KIF4A: variants seen among roughly 807,000 people sequenced by gnomAD.
The protein encoded by KIF4A is kinesin family member 4A, also known as chromosome-associated kinesin KIF4A.
A neutral mutation model predicts 105.9 loss-of-function variants in KIF4A; 7 were observed. The observed-to-expected ratio is 0.07, with a 90% CI of 0.04 to 0.12. The LOEUF is 0.12. Ranked by LOEUF, KIF4A falls within the 10% of genes least tolerant of loss-of-function variation. The pLI is 1.00. For missense variants in KIF4A, 558 were observed against 929.2 expected, an observed-to-expected ratio of 0.60 and a Z score of 5.19; for synonymous variants, 281 against 331.3, an observed-to-expected ratio of 0.85 and a Z score of 1.65.
intron 28 of KIF4A, among the ~76,000 whole-genome samples, chrX:70,414,477 A>C (rs1031313749): frequency 1.3e-4 from 15 of 112,157 alleles, no homozygotes; most frequent in African/African-American, 4.9e-4. Flanking sequence ...TCCACCTCAC[A>C]GTGGCCACAC....
chrX:70,346,076 T>A (rs1338429850), intron 13 of KIF4A, among the ~76,000 whole-genome samples: 1 of 110,753 alleles, frequency 9.0e-6, no homozygotes, highest in African/African-American at 3.3e-5. Context: ...CAAGGAAAAA[T>A]TTAAGAGCTT....
At chrX:70,391,132 G>A (rs896113021) in intron 20 of KIF4A, among the ~76,000 whole-genome samples, 1 of 112,103 alleles carries the variant, frequency 8.9e-6, no homozygotes, top group Non-Finnish European at 1.9e-5. Context: ...ACCTAAGAGT[G>A]GGACTACTGG....
intron 28 of KIF4A, among the ~76,000 whole-genome samples, chrX:70,412,486 C>T (rs1298211559): frequency 1.8e-5 from 2 of 111,636 alleles, no homozygotes; most frequent in African/African-American, 6.5e-5. Flanking sequence ...AAGGACCATA[C>T]CCAGGCTGTA....
chrX:70,298,907 T>A (rs898638337), intron 4 of KIF4A, among the ~76,000 whole-genome samples: 1 of 112,697 alleles, frequency 8.9e-6, no homozygotes, highest in Admixed American at 9.4e-5. Context: ...ACAAGTGATA[T>A]GTGAATTCAT....
chrX:70,392,104 G>T (rs2147732161), intron 20 of KIF4A, among the ~76,000 whole-genome samples: 1 of 111,791 alleles, frequency 8.9e-6, no homozygotes, highest in African/African-American at 3.2e-5. Context: ...GTGTTCATGA[G>T]GGATATTGGT....
At chrX:70,293,968 T>C (rs1032858647) in intron 3 of KIF4A, among the ~76,000 whole-genome samples, 6 of 112,639 alleles carry the variant, frequency 5.3e-5, no homozygotes, top group Non-Finnish European at 1.1e-4. Flanking sequence ...CCTTCGCTTA[T>C]TATACGTTTT....
chrX:70,410,770 C>T (rs772371457), intron 28 of KIF4A, among the ~76,000 whole-genome samples: 2 of 111,991 alleles, frequency 1.8e-5, no homozygotes, highest in Admixed American at 9.5e-5. Context: ...AATGCTTGCT[C>T]GCCTGCAGCT....
Position 70,368,265 on chromosome X carries a change from G to A in KIF4A, c.1675-5886G>A, listed in dbSNP as rs187394557. ...TCTCATCTTGTCAAAGTCATTCTCCGTCCAGCTTTGCTCCATTGCTGGTGA... is the reference window on the plus strand; with the variant it reads ...TCTCATCTTGTCAAAGTCATTCTCCATCCAGCTTTGCTCCATTGCTGGTGA... On this transcript the variant is annotated intron_variant, in intron 15 of 30. Transcript: ENST00000374403. Among the ~76,000 whole-genome samples the A allele has an allele frequency of 6.2e-5, 7 of 112,015 alleles. No individual in the cohort carries two copies. In the South Asian group the frequency reaches 2.2e-3, roughly 36 times the overall value.
At chrX:70,415,646 T>A (rs1602819074) in intron 28 of KIF4A, among the ~76,000 whole-genome samples, 1 of 106,025 alleles carries the variant, frequency 9.4e-6, no homozygotes, top group East Asian at 3.0e-4. Context: ...GAGACATACA[T>A]AGGAATGATA....
chrX:70,358,378 G>A (rs1164161561), intron 15 of KIF4A, among the ~76,000 whole-genome samples: 1 of 111,054 alleles, frequency 9.0e-6, no homozygotes, highest in Non-Finnish European at 1.9e-5. Context: ...GGACCTCTTA[G>A]ATTTAGTTTC....
At chrX:70,342,632 A>G (rs1316186231) in intron 11 of KIF4A, among the ~76,000 whole-genome samples, 1 of 112,497 alleles carries the variant, frequency 8.9e-6, no homozygotes, top group Non-Finnish European at 1.9e-5. Context: ...ATACACCTTC[A>G]TGCATCAGTG....
At chrX:70,366,080 G>A (rs970064465) in intron 15 of KIF4A, among the ~76,000 whole-genome samples, 1 of 111,376 alleles carries the variant, frequency 9.0e-6, no homozygotes, top group African/African-American at 3.3e-5. Flanking sequence ...CTGTGGGATC[G>A]GCGGTGATAT....
chrX:70,384,860 A>G (rs978611981), intron 18 of KIF4A, among the ~76,000 whole-genome samples: 1 of 106,486 alleles, frequency 9.4e-6, no homozygotes, highest in Non-Finnish European at 1.9e-5. Flanking sequence ...CCTGTCATCC[A>G]GGCTGGAGTA....
At position 70,420,670 on chromosome X, in the gene KIF4A, A is replaced by G; in HGVS notation, c.*405A>G. 7.3e-6 allele frequency: 1 copy of G among 137,041 alleles called. No homozygotes were observed. The highest frequency in any genetic ancestry group is 2.4e-4 in the East Asian group (1 of 4,239). The allele number at this position is 137,041 out of a possible 1,213,427, so 11.3% of individuals were successfully genotyped here. On this transcript the variant is annotated 3_prime_UTR_variant, in exon 31 of 31. Coordinates refer to ENST00000374403, the MANE Select transcript of KIF4A (RefSeq NM_012310.5). ...CTGGCCTAGGATGGAGGCCTGGCTT[A>G]GATCTTTCATTCCACCTCAGGAATG...
At chrX:70,295,053 G>C (rs2147656839) in intron 3 of KIF4A, among the ~76,000 whole-genome samples, 1 of 112,676 alleles carries the variant, frequency 8.9e-6, no homozygotes, top group South Asian at 3.7e-4. Context: ...GACAGAGTGA[G>C]ACCTTGTCTC....
rs755890357 is a variant in KIF4A at position 70,351,714 on chromosome X, T to G, written c.1432-886T>G. Among the ~76,000 whole-genome samples the G allele has an allele frequency of 3.6e-5, 4 of 111,903 alleles. No homozygotes were observed. The East Asian group carries it at 1.1e-3, about 31-fold the overall frequency. ...TTCTGGGAGTACCCATCTAAGGCAT[T>G]TATTTCTTTCTGTTTTTTGTTTTTG... On this transcript the variant is annotated intron_variant, in intron 13 of 30. Coordinates refer to ENST00000374403, the MANE Select transcript of KIF4A (RefSeq NM_012310.5).
At chrX:70,308,073 C>CT (rs756946100) in intron 7 of KIF4A, among the ~76,000 whole-genome samples, 1 of 112,019 alleles carries the variant, frequency 8.9e-6, no homozygotes, top group African/African-American at 3.2e-5. Context: ...CTTTTTAGGT[C>CT]TTTCCTGAGC....
chrX:70,350,986 A>G (rs1181811275), intron 13 of KIF4A, among the ~76,000 whole-genome samples: 1 of 111,749 alleles, frequency 8.9e-6, no homozygotes, highest in East Asian at 2.8e-4. Context: ...TGCTAATATG[A>G]TAGCCTATAA....
chrX:70,302,162 C>G, intron 6 of KIF4A, 96 bp downstream of exon 6: 1 of 1,097,036 alleles, frequency 9.1e-7, no homozygotes, highest in Non-Finnish European at 1.2e-6. Flanking sequence ...AATCATCAGA[C>G]ATCAGTATTG....
Sources: gnomAD v4.1 joint callset for allele counts (sites outside exome capture counted in the v4.1 genomes callset) on GRCh38, gnomAD v4.1.1 for gene constraint, MANE v1.5 for transcripts, NCBI Gene and HGNC (gene_info 2026-07-23, HGNC 2026-07-21) for gene names.